The following KIAA1671 variants were observed in gnomAD, a reference collection of about 807,000 sequenced individuals.
The protein encoded by KIAA1671 is KIAA1671.
A neutral mutation model predicts 131.2 loss-of-function variants in KIAA1671; 52 were observed. That is an observed-to-expected ratio of 0.40 (90% CI 0.32 to 0.50). The LOEUF is 0.50. Among genes scored for constraint, KIAA1671 ranks in the 20% least tolerant of loss-of-function variants. KIAA1671 has a pLI of 0.73. For missense variants in KIAA1671, 2,360 were observed against 2,364.2 expected, an observed-to-expected ratio of 1.00 and a Z score of 0.04; for synonymous variants, 1,003 against 961.6, an observed-to-expected ratio of 1.04 and a Z score of -0.80.
chr22:25,149,015 C>T (rs1277747607), intron 6 of KIAA1671, among the ~76,000 whole-genome samples: 1 of 152,130 alleles, frequency 6.6e-6, no homozygotes, highest in Non-Finnish European at 1.5e-5. Context: ...CTTGGTGTCT[C>T]CTGCTGGTTT....
At chr22:24,983,150 G>A (rs1923319708) in intron 1 of KIAA1671, among the ~76,000 whole-genome samples, 1 of 152,262 alleles carries the variant, frequency 6.6e-6, no homozygotes, top group South Asian at 2.1e-4. Flanking sequence ...TGAAGAAAAT[G>A]GGGGATGAAC....
intron 9 of KIAA1671, among the ~76,000 whole-genome samples, chr22:25,178,093 G>A (rs1438955641): frequency 2.0e-5 from 3 of 152,200 alleles, no homozygotes; most frequent in Non-Finnish European, 1.5e-5. Flanking sequence ...GCAAGGGGTC[G>A]GGCAGCAGCT....
At chr22:25,165,084 C>T (rs943212338) in intron 6 of KIAA1671, among the ~76,000 whole-genome samples, 3 of 151,272 alleles carry the variant, frequency 2.0e-5, no homozygotes, top group African/African-American at 4.9e-5. Context: ...TTTGAAGTCC[C>T]GCCAAGTTCT....
At chr22:25,054,949 T>C (rs1927759439) in intron 6 of KIAA1671, 1 of 149,330 alleles carries the variant, frequency 6.7e-6, no homozygotes. Flanking sequence ...ACAACGGATG[T>C]CATCTGGGGT....
At chr22:25,144,842 G>A (rs905428573) in intron 6 of KIAA1671, among the ~76,000 whole-genome samples, 1 of 152,128 alleles carries the variant, frequency 6.6e-6, no homozygotes, top group Non-Finnish European at 1.5e-5. Flanking sequence ...CCCCAGACAA[G>A]CCCCATCACT....
Position 25,107,868 on chromosome 22 carries a change from C to T in KIAA1671, c.4530+58504C>T, listed in dbSNP as rs530536886. Among the ~76,000 whole-genome samples the T allele has an allele frequency of 8.5e-4, 129 of 152,090 alleles. 1 individual carries two copies. Among genetic ancestry groups the T allele is most frequent in the African/African-American group, 3.0e-3 (126 of 41,488 alleles). On this transcript the variant is annotated intron_variant, in intron 6 of 12. Transcript: ENST00000358431. ...ACTAAAAATACAAAAATTAGCCAGG[C>T]GTGGTGGTGCACACCTGTAATCCCA...
chr22:25,041,893 C>G (rs113051471), intron 5 of KIAA1671, among the ~76,000 whole-genome samples: 8,992 of 152,082 alleles, frequency 0.059, 299 homozygotes, highest in Middle Eastern at 0.099. Context: ...GACAGGCATG[C>G]GCCACCATGC....
intron 1 of KIAA1671, among the ~76,000 whole-genome samples, chr22:24,956,024 CAA>C (rs1167493018): frequency 1.5e-4 from 8 of 51,870 alleles, no homozygotes; most frequent in Admixed American, 6.0e-4. Flanking sequence ...GACTCCGTCT[CAA>C]AAAAAAAAAA....
At chr22:24,956,219 G>A (rs1215443189) in intron 1 of KIAA1671, among the ~76,000 whole-genome samples, 1 of 152,172 alleles carries the variant, frequency 6.6e-6, no homozygotes, top group Admixed American at 6.5e-5. Context: ...TCTACCTGGG[G>A]TAAGGAAACC....
intron 1 of KIAA1671, among the ~76,000 whole-genome samples, chr22:24,972,201 A>G (rs1452591614): frequency 6.6e-6 from 1 of 152,236 alleles, no homozygotes; most frequent in African/African-American, 2.4e-5. Flanking sequence ...GTTAACAACA[A>G]CTAAAATATT....
chr22:25,164,204 G>A (rs867078756), intron 6 of KIAA1671, among the ~76,000 whole-genome samples: 1 of 152,166 alleles, frequency 6.6e-6, no homozygotes, highest in Non-Finnish European at 1.5e-5. Flanking sequence ...TCATAGAAAA[G>A]GTGGGGCAGG....
chr22:25,100,843 G>C lies in KIAA1671; in HGVS notation c.4530+51479G>C, dbSNP rs558547064. Among the ~76,000 whole-genome samples, 33 of 152,272 alleles carry C rather than the reference G, an allele frequency of 2.2e-4. No individual in the cohort carries two copies. The East Asian group carries it at 5.8e-3, about 27-fold the overall frequency. On this transcript the variant is annotated intron_variant, in intron 6 of 12. Transcript: ENST00000358431. ...CTCAAGAAAGTGCCTGTTGAAGTCA[G>C]AAGGATGGGAGGGAGGAAGCAAGGA...
intron 1 of KIAA1671, among the ~76,000 whole-genome samples, chr22:25,002,223 C>A (rs187102420): frequency 6.6e-6 from 1 of 152,176 alleles, no homozygotes; most frequent in East Asian, 1.9e-4. Context: ...CTCCTGGTAA[C>A]CATTGGTAAC....
chr22:25,163,294 A>C (rs1011538669), intron 6 of KIAA1671, among the ~76,000 whole-genome samples: 119 of 125,962 alleles, frequency 9.4e-4, no homozygotes, highest in African/African-American at 3.5e-3. Context: ...GTGTCACTGC[A>C]CTCCAGCCTG....
chr22:25,028,045 G>T lies in KIAA1671; in HGVS notation c.46G>T (p.Val16Leu), dbSNP rs1284441781. Residue 16 changes from valine to leucine, a missense_variant, in exon 3 of 13, where the codon GTG becomes TTG. By Grantham distance (32) the Val-to-Leu change is conservative (BLOSUM62 1). Coordinates refer to ENST00000358431, the MANE Select transcript of KIAA1671 (RefSeq NM_001145206.2). ...EVGSITPLTA[V>L]PGLGEMGKEE... The stretch of plus-strand genomic sequence containing the variant: ...GGGCTCCATAACGCCCTTGACGGCC[G>T]TGCCAGGCCTGGGTGAGATGGGCAA... 1.4e-5 allele frequency: 22 copies of T among 1,536,368 alleles called. No homozygotes were observed. Among genetic ancestry groups the T allele is most frequent in the Non-Finnish European group, 1.9e-5 (22 of 1,139,330 alleles).
At chr22:25,009,612 C>G (rs1237194497) in intron 1 of KIAA1671, 1 of 137,448 alleles carries the variant, frequency 7.3e-6, no homozygotes, top group East Asian at 2.2e-4. Flanking sequence ...GACAGAGTCT[C>G]ACATTGTCGC....
chr22:24,969,210 T>G (rs1922471191), intron 1 of KIAA1671, among the ~76,000 whole-genome samples: 1 of 152,172 alleles, frequency 6.6e-6, no homozygotes, highest in Non-Finnish European at 1.5e-5. Context: ...CTCGTTTTTG[T>G]TGTTGAACAT....
At chr22:24,968,365 C>T (rs753286539) in intron 1 of KIAA1671, among the ~76,000 whole-genome samples, 8 of 152,054 alleles carry the variant, frequency 5.3e-5, no homozygotes, top group Non-Finnish European at 1.0e-4. Flanking sequence ...CAGTTCTTGT[C>T]CCTGAGGCCT....
intron 8 of KIAA1671, 49 bp downstream of exon 8, chr22:25,174,538 C>G: frequency 6.8e-7 from 1 of 1,472,746 alleles, no homozygotes; most frequent in South Asian, 1.4e-5. Context: ...ATTCCAGCCT[C>G]TCTCTGTGAA....
Sources: allele counts gnomAD v4.1 joint callset (sites outside exome capture counted in the v4.1 genomes callset), GRCh38; gene constraint gnomAD v4.1.1; transcripts MANE v1.5; gene names NCBI Gene and HGNC (gene_info 2026-07-23, HGNC 2026-07-21).